The following DENND1B variants were observed in gnomAD, a reference collection of about 807,000 sequenced individuals.
DENND1B encodes the protein DENN domain containing 1B.
DENND1B carries 59 observed loss-of-function variants against 90.1 expected under a neutral mutation model. The observed-to-expected ratio is 0.65, with a 90% confidence interval of 0.53 to 0.81. The LOEUF is 0.81. Among genes scored for constraint, DENND1B ranks in the 40% least tolerant of loss-of-function variants. The pLI, the probability that DENND1B is intolerant of heterozygous loss-of-function variation, is 0.00. For missense variants in DENND1B, 862 were observed against 912.6 expected (o/e 0.94, Z 0.71); for synonymous variants, 337 against 324.6 (o/e 1.04, Z -0.41).
intron 20 of DENND1B, among the ~76,000 whole-genome samples, chr1:197,527,568 G>A (rs1669239427): frequency 6.6e-6 from 1 of 151,962 alleles, no homozygotes; most frequent in African/African-American, 2.4e-5. Flanking sequence ...AGGCATGAGC[G>A]ACTGTGCCTG....
chr1:197,764,223 C>T (rs1435604844), intron 2 of DENND1B, among the ~76,000 whole-genome samples: 3 of 152,160 alleles, frequency 2.0e-5, no homozygotes, highest in African/African-American at 7.2e-5. Context: ...AGTTGTTGAA[C>T]TTGCCTCAAT....
rs762222227 is a variant in DENND1B, at chr1:197,647,065, G to A, written c.497C>T (p.Ala166Val). ...ACEQVLKDQP[A>V]LVPHSYFIAP... Reference sequence around the variant, plus strand: ...GTCCTTTTAACTCACCGGTACTAGAGCAGGCTGATCTTTCAGAACTTGCTC... The same window carrying A: ...GTCCTTTTAACTCACCGGTACTAGAACAGGCTGATCTTTCAGAACTTGCTC... The change falls in exon 8 of 23, where the codon GCT (alanine) becomes GTT (valine). Residue 166 changes from alanine (A) to valine (V), a missense_variant. Transcript: ENST00000620048. 9 of 1,466,430 alleles carry A rather than the reference G, an allele frequency of 6.1e-6. No homozygotes were observed. The highest frequency in any genetic ancestry group is 8.1e-6 in the Non-Finnish European group (9 of 1,116,874). 90.8% of individuals were successfully genotyped at this position (1,466,430 alleles called of 1,614,324 possible). A position where few individuals can be genotyped will look rare whatever the true frequency, so the allele number is the denominator to read the frequency against.
intron 5 of DENND1B, among the ~76,000 whole-genome samples, chr1:197,663,651 T>A (rs957911888): frequency 3.9e-5 from 6 of 152,150 alleles, no homozygotes; most frequent in Non-Finnish European, 5.9e-5. Context: ...CCACACATTT[T>A]TCACTGTGCA....
intron 12 of DENND1B, among the ~76,000 whole-genome samples, chr1:197,608,676 G>A (rs1364956231): frequency 3.3e-5 from 5 of 150,420 alleles, no homozygotes; most frequent in African/African-American, 9.7e-5. Flanking sequence ...TTTGTTAAGG[G>A]ATAAAATGAG....
At chr1:197,692,911 C>T (rs906278056) in intron 3 of DENND1B, among the ~76,000 whole-genome samples, 1 of 151,632 alleles carries the variant, frequency 6.6e-6, no homozygotes, top group Non-Finnish European at 1.5e-5. Context: ...TCCTGAACTC[C>T]AGTCAGAGGT....
chr1:197,732,873 T>C (rs1436208378), intron 2 of DENND1B, among the ~76,000 whole-genome samples: 2 of 152,206 alleles, frequency 1.3e-5, no homozygotes, highest in Non-Finnish European at 2.9e-5. Flanking sequence ...GGATTCTTTG[T>C]ACACTAAGAT....
intron 18 of DENND1B, among the ~76,000 whole-genome samples, chr1:197,544,867 AGAAGG>A: frequency 1.3e-5 from 1 of 79,104 alleles, no homozygotes; most frequent in Non-Finnish European, 2.8e-5. Context: ...AGGAAGGAGG[AGAAGG>A]AGATGAAGAG....
At chr1:197,677,632 G>T (rs1212942162) in intron 3 of DENND1B, among the ~76,000 whole-genome samples, 2 of 152,002 alleles carry the variant, frequency 1.3e-5, no homozygotes, top group African/African-American at 4.8e-5. Context: ...GAATCACTTG[G>T]GAGTGTTTTT....
intron 12 of DENND1B, among the ~76,000 whole-genome samples, chr1:197,610,024 C>T (rs1677038500): frequency 1.3e-5 from 2 of 150,714 alleles, no homozygotes; most frequent in Admixed American, 1.3e-4. Flanking sequence ...GGATTTACAT[C>T]ATCTTGTAAT....
intron 20 of DENND1B, among the ~76,000 whole-genome samples, chr1:197,517,923 T>TTTTGTTTGTTTG (rs10658464): frequency 1.3e-5 from 2 of 150,814 alleles, no homozygotes; most frequent in African/African-American, 2.4e-5. Context: ...CCTCCCCATG[T>TTTTGTTTGTTTG]TTTGTTTGTT....
chr1:197,584,842 T>C (rs1460353684), intron 14 of DENND1B, among the ~76,000 whole-genome samples: 3 of 151,962 alleles, frequency 2.0e-5, no homozygotes, highest in African/African-American at 7.3e-5. Flanking sequence ...CGGCTAACAT[T>C]TTGTATTTTC....
chr1:197,749,390 C>T (rs1369298671), intron 2 of DENND1B, among the ~76,000 whole-genome samples: 1 of 151,278 alleles, frequency 6.6e-6, no homozygotes, highest in Non-Finnish European at 1.5e-5. Context: ...AAGGGAAAAC[C>T]TTAAAAGCAG....
In DENND1B at chr1:197,583,255, T is replaced by C; in HGVS notation, c.1048-2A>G. ...CTCACAGAAAGTGATGGGCTCACCC[T>C]AGATAGAAATAAAGATTTTAAGGGC... On this transcript the variant is annotated splice_acceptor_variant, in intron 14 of 22. Coordinates refer to ENST00000620048, the MANE Select transcript of DENND1B (RefSeq NM_001195215.2). LOFTEE classifies it high-confidence loss of function. 1 of 1,613,434 alleles carries C rather than the reference T, an allele frequency of 6.2e-7. No homozygotes were observed.
At chr1:197,772,751 G>A in intron 2 of DENND1B, 117 bp downstream of exon 2, 2 of 825,334 alleles carry the variant, frequency 2.4e-6, no homozygotes. Context: ...CCTGAACCCG[G>A]GAAGGAGAGG....
rs1451830020 is a variant in DENND1B, at chr1:197,698,251, A to T, written c.126+16780T>A. On this transcript the variant is annotated intron_variant, in intron 3 of 22. Transcript: ENST00000620048. ...CAGTGCAATCAAATTAGAACTCAAG[A>T]TTAAGACATTCACTCGAAACCCCAC... is the stretch of plus-strand genomic sequence containing the variant. Among the ~76,000 whole-genome samples, 3 of 152,180 alleles carry T rather than the reference A, an allele frequency of 2.0e-5. No individual in the cohort carries two copies. The East Asian group carries it at 5.8e-4, about 29-fold the overall frequency.
chr1:197,746,629 A>C (rs1249507077), intron 2 of DENND1B: 14 of 618,600 alleles, frequency 2.3e-5, no homozygotes, highest in Admixed American at 8.9e-5. Context: ...AAACTCCCAA[A>C]TTTTATGCTT....
chr1:197,557,951 T>C (rs993366672), intron 15 of DENND1B, among the ~76,000 whole-genome samples: 8 of 151,910 alleles, frequency 5.3e-5, no homozygotes, highest in African/African-American at 1.7e-4. Flanking sequence ...TAATGTGCTA[T>C]CACATGTTGC....
At chr1:197,565,815 G>T (rs1425695556) in intron 15 of DENND1B, among the ~76,000 whole-genome samples, 1 of 150,114 alleles carries the variant, frequency 6.7e-6, no homozygotes, top group African/African-American at 2.5e-5. Flanking sequence ...CAAAGGACAT[G>T]AACTCATCAT....
intron 2 of DENND1B, among the ~76,000 whole-genome samples, chr1:197,738,108 T>A (rs1662883549): frequency 6.6e-6 from 1 of 152,200 alleles, no homozygotes; most frequent in Admixed American, 6.5e-5. Flanking sequence ...GTTTATTACA[T>A]TTCTTCTCCT....
Sources: gnomAD v4.1 joint callset for allele counts (sites outside exome capture counted in the v4.1 genomes callset) on GRCh38, gnomAD v4.1.1 for gene constraint, MANE v1.5 for transcripts, NCBI Gene and HGNC (gene_info 2026-07-23, HGNC 2026-07-21) for gene names.